The following NAT10 variants were observed in gnomAD, a reference collection of about 807,000 sequenced individuals.
NAT10 encodes the protein RNA cytidine acetyltransferase.
In NAT10, 109 loss-of-function variants were observed where a neutral mutation model predicts 132.2. The observed-to-expected ratio is 0.82, with a 90% CI of 0.71 to 0.97. The LOEUF is 0.97. NAT10 is among the 50% of genes least tolerant of loss of function. The pLI is 0.00. For missense variants in NAT10, 1,184 were observed against 1,263.4 expected (o/e 0.94, Z 0.95); for synonymous variants, 479 against 478.0 (o/e 1.00, Z -0.03).
chr11:34,111,778 T>C (rs1216433861), intron 3 of NAT10, among the ~76,000 whole-genome samples: 6 of 152,258 alleles, frequency 3.9e-5, no homozygotes, highest in Non-Finnish European at 2.9e-5. Context: ...TTAGCTACCC[T>C]ATTACCCATC....
chr11:34,140,280 G>T, intron 23 of NAT10, 120 bp from the exon 24 acceptor site: 1 of 964,332 alleles, frequency 1.0e-6, no homozygotes, highest in Non-Finnish European at 1.6e-6. Context: ...AGGGCTGTGT[G>T]GTATGGCTGC....
At chr11:34,146,030 C>A in intron 28 of NAT10, 54 bp from the exon 29 acceptor site, 1 of 1,266,390 alleles carries the variant, frequency 7.9e-7, no homozygotes, top group Non-Finnish European at 1.1e-6. Flanking sequence ...AAAGCAGTCT[C>A]AGATGTTCAG....
At chr11:34,112,593 T>C (rs1026367332) in intron 4 of NAT10, among the ~76,000 whole-genome samples, 7 of 152,232 alleles carry the variant, frequency 4.6e-5, no homozygotes, top group African/African-American at 1.7e-4. Flanking sequence ...GGGACTTGTT[T>C]TCCAACCGGA....
chr11:34,124,954 G>T (rs1173939842), intron 11 of NAT10, among the ~76,000 whole-genome samples: 1 of 152,200 alleles, frequency 6.6e-6, no homozygotes, highest in Non-Finnish European at 1.5e-5. Flanking sequence ...GGCATGAGGT[G>T]ATGGGCTTAC....
At chr11:34,124,831 A>C (rs1036914616) in intron 11 of NAT10, among the ~76,000 whole-genome samples, 2 of 152,158 alleles carry the variant, frequency 1.3e-5, no homozygotes, top group African/African-American at 4.8e-5. Flanking sequence ...CCAGTGGCCT[A>C]TTTTCTTTTT....
rs549248671 is a variant in NAT10, at chr11:34,145,905, C to T, written c.2970-179C>T. The stretch of plus-strand genomic sequence containing the variant: ...GCTGGTCTGTATGGTGTGTCCCCAG[C>T]CCCAGCACAATGCCTGCCCCCTAAT... On this transcript the variant is annotated intron_variant, in intron 28 of 28. Coordinates refer to ENST00000257829, the MANE Select transcript of NAT10 (RefSeq NM_024662.3). Among the ~76,000 whole-genome samples, 141 of 152,290 alleles carry T rather than the reference C, an allele frequency of 9.3e-4. 1 individual carries two copies. The highest frequency in any genetic ancestry group is 3.2e-3 in the African/African-American group (131 of 41,554).
intron 28 of NAT10, among the ~76,000 whole-genome samples, chr11:34,144,182 C>G (rs2132985886): frequency 6.6e-6 from 1 of 152,272 alleles, no homozygotes; most frequent in South Asian, 2.1e-4. Flanking sequence ...CGCCTGTAAT[C>G]TCAGCACTTT....
chr11:34,138,836 C>T (rs895010127), intron 21 of NAT10: 2 of 211,940 alleles, frequency 9.4e-6, no homozygotes, highest in South Asian at 9.8e-5. Context: ...GATTGTGTGG[C>T]GCTTAAGCCC....
At chr11:34,120,695 C>G (rs944615478) in intron 8 of NAT10, among the ~76,000 whole-genome samples, 2 of 152,212 alleles carry the variant, frequency 1.3e-5, no homozygotes, top group South Asian at 4.1e-4. Context: ...CTTCATGGAG[C>G]TTGCCTCCTA....
chr11:34,112,074 C>T lies in NAT10; in HGVS notation c.223C>T (p.Gln75Ter), dbSNP rs1851705277. ...FSSHRKKRMR[Q>*]LQKKIKNGTL... ...CAGTCACCGGAAGAAAAGAATGCGA[C>T]AGCTGCAGAAGAAAATAAAGAATGG... The change falls in exon 4 of 29, where the codon CAG becomes TAG. Residue 75 changes from glutamine to a stop codon, truncating the protein, a stop_gained. Transcript: ENST00000257829. LOFTEE classifies it high-confidence loss of function. The T allele has an allele frequency of 1.9e-6, 3 of 1,614,060 alleles. No individual in the cohort carries two copies. Among genetic ancestry groups the T allele is most frequent in the Non-Finnish European group, 2.5e-6 (3 of 1,180,024 alleles).
rs376190946 is a variant in NAT10, at chr11:34,143,553, A to T, written c.2969+25A>T. ...GGTGAGGGCCCAGGGTCTGATGTGC[A>T]TCTGGCGGAAGAGGCATTCTGGCCT... On this transcript the variant is annotated intron_variant, in intron 28 of 28. Coordinates refer to ENST00000257829, the MANE Select transcript of NAT10 (RefSeq NM_024662.3). The T allele has an allele frequency of 4.4e-6, 7 of 1,605,848 alleles. No individual in the cohort carries two copies. In the East Asian group the frequency reaches 1.6e-4, roughly 36 times the overall value.
intron 23 of NAT10, among the ~76,000 whole-genome samples, chr11:34,140,041 A>G (rs1003427587): frequency 2.3e-4 from 35 of 152,240 alleles, no homozygotes; most frequent in Admixed American, 1.5e-3. Context: ...AAATCCGTAT[A>G]TCTTGAGCTG....
At chr11:34,138,970 T>G in intron 21 of NAT10, 1 of 540,438 alleles carries the variant, frequency 1.9e-6, no homozygotes, top group South Asian at 2.2e-5. Context: ...TTGAGGAGAT[T>G]GCAGGACAGT....
chr11:34,106,798 T>C (rs1282650237), intron 1 of NAT10, among the ~76,000 whole-genome samples: 1 of 152,204 alleles, frequency 6.6e-6, no homozygotes, highest in African/African-American at 2.4e-5. Context: ...TAGTGTTTTA[T>C]AGTAAGACAT....
chr11:34,123,290 C>T (rs1217211886), intron 9 of NAT10, among the ~76,000 whole-genome samples: 2 of 152,214 alleles, frequency 1.3e-5, no homozygotes, highest in Non-Finnish European at 2.9e-5. Flanking sequence ...CCTTGTCCTT[C>T]GTTCTTCCTG....
In NAT10 at chr11:34,130,801, C is replaced by T. The variant is rs1852090150; in HGVS notation, c.1245-12C>T. 6.2e-7 allele frequency: 1 copy of T among 1,613,662 alleles called. No homozygotes were observed. Among genetic ancestry groups the T allele is most frequent in the Non-Finnish European group, 8.5e-7 (1 of 1,179,824 alleles). ...GGACCTTGTGCCTGATTCCTTTTGC[C>T]TTTGTTTCTAGCTATGAGGGCACTG... On this transcript the variant is annotated splice_polypyrimidine_tract_variant and intron_variant, in intron 12 of 28. Coordinates refer to ENST00000257829, the MANE Select transcript of NAT10 (RefSeq NM_024662.3).
chr11:34,142,640 A>T (rs185822227), intron 27 of NAT10, among the ~76,000 whole-genome samples: 90 of 152,312 alleles, frequency 5.9e-4, no homozygotes, highest in Admixed American at 4.6e-3. Context: ...CGATTGGATG[A>T]GCAGGCCCTT....
intron 12 of NAT10, among the ~76,000 whole-genome samples, chr11:34,128,333 G>A (rs1365359822): frequency 7.2e-6 from 1 of 139,426 alleles, no homozygotes; most frequent in Non-Finnish European, 1.5e-5. Context: ...CAGTCTGGGC[G>A]ACAGAGCGAG....
In NAT10 at chr11:34,139,267, G is replaced by T. The variant is rs763965702; in HGVS notation, c.2288G>T (p.Trp763Leu). The T allele has an allele frequency of 1.2e-6, 2 of 1,614,166 alleles. No homozygotes were observed. Among genetic ancestry groups the T allele is most frequent in the South Asian group, 2.2e-5 (2 of 91,084 alleles). Residue 763 changes from tryptophan (W) to leucine (L), a missense_variant, in exon 22 of 29, where the codon TGG becomes TTG. Physicochemically the swap from Trp to Leu is moderately conservative, Grantham distance 61 (BLOSUM62 -2). Transcript: ENST00000257829. ...TDEDEADQGG[W>L]LAAFWKDFRR... Reference sequence around the variant, plus strand: ...GAGGATGAGGCTGACCAGGGAGGCTGGCTTGCAGCCTTCTGGAAAGGTGAC... The same window carrying T: ...GAGGATGAGGCTGACCAGGGAGGCTTGCTTGCAGCCTTCTGGAAAGGTGAC...
Sources: gnomAD v4.1 joint callset for allele counts (sites outside exome capture counted in the v4.1 genomes callset) on GRCh38, gnomAD v4.1.1 for gene constraint, MANE v1.5 for transcripts, NCBI Gene and HGNC (gene_info 2026-07-23, HGNC 2026-07-21) for gene names.